Variants in KANSL2 observed in about 807,000 individuals in gnomAD.
KANSL2 encodes the protein NSL complex protein NSL2.
Under a neutral mutation model 55.6 loss-of-function variants are expected in KANSL2, and 34 were observed. The ratio of observed to expected loss-of-function variants is 0.61; its 90% CI spans 0.46 to 0.81. The LOEUF is 0.81. KANSL2 is among the 40% of genes least tolerant of loss of function. The pLI, the probability that KANSL2 is intolerant of heterozygous loss-of-function variation, is 0.00. For missense variants in KANSL2, 502 were observed against 609.9 expected (o/e 0.82, Z 1.86); for synonymous variants, 209 against 214.3 (o/e 0.98, Z 0.22).
chr12:48,680,660 G>C (rs186754022), intron 2 of KANSL2, among the ~76,000 whole-genome samples: 55 of 151,984 alleles, frequency 3.6e-4, no homozygotes, highest in Non-Finnish European at 8.8e-5. Context: ...CAGCCAAATA[G>C]AGCCACACAC....
rs570879668 is a variant in KANSL2, at chr12:48,675,023, T to C, written c.546-3061A>G. Among the ~76,000 whole-genome samples, 530 of 148,258 alleles carry C rather than the reference T, an allele frequency of 3.6e-3. 6 individuals carry two copies. Among genetic ancestry groups the C allele is most frequent in the African/African-American group, 0.012 (495 of 40,806 alleles). ...AATAAAAAATAAATTTAAAAATAAATAAAATAAAATAAAACCAGCAAATTA... is the reference window on the plus strand; with the variant it reads ...AATAAAAAATAAATTTAAAAATAAACAAAATAAAATAAAACCAGCAAATTA... On this transcript the variant is annotated intron_variant, in intron 4 of 9. Transcript: ENST00000420613.
Position 48,653,464 on chromosome 12 carries a change from T to G in KANSL2, c.*580A>C, listed in dbSNP as rs1006926995. Reference sequence around the variant, plus strand: ...ATTTTCTTTAACATTTAATAGAAACTATATACAATAAATTTTTACTATATT... The same window carrying G: ...ATTTTCTTTAACATTTAATAGAAACGATATACAATAAATTTTTACTATATT... On this transcript the variant is annotated 3_prime_UTR_variant, in exon 10 of 10. Coordinates refer to ENST00000420613, the MANE Select transcript of KANSL2 (RefSeq NM_017822.4). The G allele has an allele frequency of 2.0e-5, 3 of 152,678 alleles. No individual in the cohort carries two copies. The highest frequency in any genetic ancestry group is 2.0e-4 in the Admixed American group (3 of 15,282). The allele number at this position is 152,678 out of a possible 1,614,324, so 9.5% of individuals were successfully genotyped here. A position where few individuals can be genotyped will look rare whatever the true frequency, so the allele number is the denominator to read the frequency against.
chr12:48,655,172 T>A, intron 8 of KANSL2, 112 bp from the exon 9 acceptor site: 1 of 1,049,444 alleles, frequency 9.5e-7, no homozygotes, highest in Non-Finnish European at 1.3e-6. Context: ...AACCCTAGCC[T>A]ACCTTTAATA....
chr12:48,667,279 A>G (rs1939618678), intron 7 of KANSL2, among the ~76,000 whole-genome samples: 1 of 152,186 alleles, frequency 6.6e-6, no homozygotes, highest in Non-Finnish European at 1.5e-5. Flanking sequence ...CATCCTTTCA[A>G]CTGGGGTGGA....
rs1217365630 is a variant in KANSL2 at position 48,672,429 on chromosome 12, A to ATT, written c.546-468_546-467insAA. ...TATACGTATATATATATATATATAT[A>ATT]TATATTTTTTTTTTGAGATAAGGTC... On this transcript the variant is annotated intron_variant, in intron 4 of 9. Transcript: ENST00000420613. Among the ~76,000 whole-genome samples, 420 of 89,780 alleles carry ATT rather than the reference A, an allele frequency of 4.7e-3. 7 individuals carry two copies. The highest frequency in any genetic ancestry group is 0.033 in the East Asian group (150 of 4,592). The allele number at this position is 89,780 out of a possible 152,430, so 58.9% of individuals were successfully genotyped here.
chr12:48,678,239 A>C (rs1233443368), intron 4 of KANSL2, among the ~76,000 whole-genome samples: 1 of 152,228 alleles, frequency 6.6e-6, no homozygotes, highest in Non-Finnish European at 1.5e-5. Flanking sequence ...ACATTTTTAA[A>C]AACTACACCC....
chr12:48,674,322 GTATT>G (rs113182415), intron 4 of KANSL2, among the ~76,000 whole-genome samples: 295 of 151,982 alleles, frequency 1.9e-3, no homozygotes, highest in Middle Eastern at 0.014. Context: ...TTTATTTTTT[GTATT>G]TTTAGTAGAG....
chr12:48,680,399 C>G (rs1939899989), intron 2 of KANSL2, among the ~76,000 whole-genome samples: 1 of 152,130 alleles, frequency 6.6e-6, no homozygotes, highest in Non-Finnish European at 1.5e-5. Context: ...ACTGTATTGC[C>G]TGGGTTGGTC....
intron 2 of KANSL2, 172 bp from the exon 3 acceptor site, chr12:48,680,005 T>C: frequency 1.7e-6 from 1 of 602,110 alleles, no homozygotes; most frequent in Non-Finnish European, 2.9e-6. Context: ...CATTTGACTT[T>C]ATTAAAGGGA....
chr12:48,663,572 A>G (rs1352398335), intron 7 of KANSL2, among the ~76,000 whole-genome samples: 8 of 152,142 alleles, frequency 5.3e-5, no homozygotes, highest in Non-Finnish European at 1.2e-4. Flanking sequence ...TCCACTTAAC[A>G]AAAAGACCAT....
chr12:48,662,701 A>C (rs1939511014), intron 7 of KANSL2: 1 of 1,252,442 alleles, frequency 8.0e-7, no homozygotes, highest in Non-Finnish European at 1.0e-6. Context: ...GCAACTATGG[A>C]GTGGAAAGGA....
At chr12:48,678,415 G>T (rs544253186) in intron 4 of KANSL2, among the ~76,000 whole-genome samples, 7 of 151,970 alleles carry the variant, frequency 4.6e-5, no homozygotes, top group African/African-American at 1.7e-4. Context: ...TCTTTCTTAG[G>T]CATGAAACCA....
intron 8 of KANSL2, chr12:48,656,677 C>T (rs1045316180): frequency 7.8e-6 from 4 of 512,788 alleles, no homozygotes; most frequent in South Asian, 1.4e-5. Context: ...ATTGGCAATT[C>T]GCACTGGAAT....
intron 8 of KANSL2, among the ~76,000 whole-genome samples, chr12:48,659,359 GGAGGCCAAGGTAAGAGGATCACTT>G (rs981367753): frequency 6.6e-5 from 10 of 152,114 alleles, no homozygotes; most frequent in Non-Finnish European, 1.3e-4. Context: ...CAGCACTTTG[GGAGGCCAAGGTAAGAGGATCACTT>G]GAGGCCAAGG....
chr12:48,680,740 G>C (rs897226540), intron 2 of KANSL2, among the ~76,000 whole-genome samples: 7 of 152,128 alleles, frequency 4.6e-5, no homozygotes, highest in African/African-American at 1.7e-4. Flanking sequence ...ACTCTGGGAG[G>C]CCGAGGCGGA....
At chr12:48,668,059 T>C (rs1158172061) in intron 6 of KANSL2, among the ~76,000 whole-genome samples, 1 of 152,212 alleles carries the variant, frequency 6.6e-6, no homozygotes, top group African/African-American at 2.4e-5. Context: ...AACAGAACTC[T>C]GAAATTGCAG....
Position 48,654,030 on chromosome 12 carries a change from G to C in KANSL2, c.*14C>G, listed in dbSNP as rs762296116. The C allele has an allele frequency of 5.1e-6, 8 of 1,562,784 alleles. No individual in the cohort carries two copies. In the East Asian group the frequency reaches 6.8e-5, roughly 13 times the overall value. Reference sequence around the variant, plus strand: ...AAATTTAAATCCACCAAAGTAAAATGGTTCCCCAAACTATCAACTAATAGA... The same window carrying C: ...AAATTTAAATCCACCAAAGTAAAATCGTTCCCCAAACTATCAACTAATAGA... On this transcript the variant is annotated 3_prime_UTR_variant, in exon 10 of 10. Transcript: ENST00000420613.
chr12:48,679,344 T>C, intron 3 of KANSL2, 194 bp from the exon 4 acceptor site: 1 of 655,952 alleles, frequency 1.5e-6, no homozygotes, highest in South Asian at 1.7e-5. Flanking sequence ...ACTTACAACA[T>C]AAATGAGTAA....
At position 48,653,448 on chromosome 12, in the gene KANSL2, A is replaced by T. The variant is rs551337527; in HGVS notation, c.*596T>A. 6.5e-6 allele frequency: 1 copy of T among 152,806 alleles called. No individual in the cohort carries two copies. The highest frequency in any genetic ancestry group is 2.1e-4 in the South Asian group (1 of 4,834). 9.5% of individuals were successfully genotyped at this position (152,806 alleles called of 1,614,324 possible). ...TTGATATTTTCATAACATTTTCTTT[A>T]ACATTTAATAGAAACTATATACAAT... On this transcript the variant is annotated 3_prime_UTR_variant, in exon 10 of 10. Transcript: ENST00000420613.
Sources: gnomAD v4.1 joint callset for allele counts (sites outside exome capture counted in the v4.1 genomes callset) on GRCh38, gnomAD v4.1.1 for gene constraint, MANE v1.5 for transcripts, NCBI Gene and HGNC (gene_info 2026-07-23, HGNC 2026-07-21) for gene names.